Variants in RALA observed in about 807,000 individuals in gnomAD.
RALA encodes the protein RAS like proto-oncogene A.
In RALA, 5 loss-of-function variants were observed where a neutral mutation model predicts 24.0. The ratio of observed to expected loss-of-function variants is 0.21; its 90% CI spans 0.11 to 0.44. The LOEUF is 0.44. Among genes scored for constraint, RALA ranks in the 20% least tolerant of loss-of-function variants. The probability of loss-of-function intolerance (pLI) is 0.99; values close to 1 mark genes in which losing one functional copy is unlikely to be tolerated. For synonymous variants in RALA, 77 were observed against 83.8 expected, an observed-to-expected ratio of 0.92 and a Z score of 0.44; for missense variants, 95 against 241.2, an observed-to-expected ratio of 0.39 and a Z score of 4.01.
At chr7:39,643,438 C>T (rs759899093) in intron 1 of RALA, among the ~76,000 whole-genome samples, 4 of 152,148 alleles carry the variant, frequency 2.6e-5, no homozygotes, top group African/African-American at 7.2e-5. Flanking sequence ...GGCAGAAAAA[C>T]GGCCAGGCGC....
At chr7:39,695,150 A>G (rs1252864528) in intron 3 of RALA, among the ~76,000 whole-genome samples, 2 of 151,566 alleles carry the variant, frequency 1.3e-5, no homozygotes, top group Admixed American at 6.6e-5. Flanking sequence ...ATTTTCTCTT[A>G]TTCTAAAATA....
At chr7:39,667,639 A>G (rs1381838122) in intron 1 of RALA, among the ~76,000 whole-genome samples, 1 of 152,230 alleles carries the variant, frequency 6.6e-6, no homozygotes. Flanking sequence ...TAATTAAAGG[A>G]ATATAAGTGA....
At chr7:39,667,526 G>A (rs1017759287) in intron 1 of RALA, among the ~76,000 whole-genome samples, 6 of 152,252 alleles carry the variant, frequency 3.9e-5, no homozygotes, top group African/African-American at 1.4e-4. Context: ...TCCCGTGAGG[G>A]AGGCCTGTAG....
At chr7:39,656,504 C>T (rs1228969045) in intron 1 of RALA, among the ~76,000 whole-genome samples, 1 of 152,168 alleles carries the variant, frequency 6.6e-6, no homozygotes, top group African/African-American at 2.4e-5. Context: ...AATTTATGAG[C>T]TGCAGCCAAT....
chr7:39,664,303 T>C lies in RALA; in HGVS notation c.-37-22328T>C, dbSNP rs531233511. ...ACACCAGCTGCCAGTCTTTAGGTTG[T>C]TGTACAACAAGAAGGCATGGACAAC... On this transcript the variant is annotated intron_variant, in intron 1 of 4. Coordinates refer to ENST00000005257, the MANE Select transcript of RALA (RefSeq NM_005402.4). Among the ~76,000 whole-genome samples the C allele has an allele frequency of 3.3e-5, 5 of 152,328 alleles. No individual in the cohort carries two copies. The South Asian group carries it at 8.3e-4, about 25-fold the overall frequency.
intron 1 of RALA, among the ~76,000 whole-genome samples, chr7:39,633,505 C>T (rs774812907): frequency 4.6e-5 from 7 of 152,118 alleles, no homozygotes; most frequent in South Asian, 2.1e-4. Flanking sequence ...CTCACTGTCA[C>T]GAGAACAGCA....
At position 39,675,805 on chromosome 7, in the gene RALA, G is replaced by A. The variant is rs1174835251; in HGVS notation, c.-37-10826G>A. ...TGGTCATGTATATTCTACCTCTTCT[G>A]AAATTGTTCATTTTATATTACCTGT... On this transcript the variant is annotated intron_variant, in intron 1 of 4. Coordinates refer to ENST00000005257, the MANE Select transcript of RALA (RefSeq NM_005402.4). Among the ~76,000 whole-genome samples the A allele has an allele frequency of 4.7e-5, 7 of 150,214 alleles. No homozygotes were observed. In the East Asian group the frequency reaches 1.4e-3, roughly 29 times the overall value.
At position 39,706,287 on chromosome 7, in the gene RALA, A is replaced by G. The variant is rs1793119207; in HGVS notation, c.*42A>G. 2 of 1,556,604 alleles carry G rather than the reference A, an allele frequency of 1.3e-6. No homozygotes were observed. The highest frequency in any genetic ancestry group is 4.6e-5 in the East Asian group (2 of 43,710). ...TTTCTTATCTTGACCATACTAATAAATATAATTTATAAGCATTGCCATTGA... is the reference window on the plus strand; with the variant it reads ...TTTCTTATCTTGACCATACTAATAAGTATAATTTATAAGCATTGCCATTGA... On this transcript the variant is annotated 3_prime_UTR_variant, in exon 5 of 5. Coordinates refer to ENST00000005257, the MANE Select transcript of RALA (RefSeq NM_005402.4).
At chr7:39,697,124 C>A (rs533297641) in intron 4 of RALA, among the ~76,000 whole-genome samples, 2 of 152,020 alleles carry the variant, frequency 1.3e-5, no homozygotes, top group Non-Finnish European at 2.9e-5. Context: ...TGACTTTTTT[C>A]CCCCCTTATC....
At chr7:39,644,306 G>C (rs1188512646) in intron 1 of RALA, among the ~76,000 whole-genome samples, 8 of 151,856 alleles carry the variant, frequency 5.3e-5, no homozygotes, top group Non-Finnish European at 1.2e-4. Context: ...CATACAGTTA[G>C]AATGTATCAT....
At chr7:39,633,418 TGA>T (rs909942625) in intron 1 of RALA, among the ~76,000 whole-genome samples, 28 of 152,164 alleles carry the variant, frequency 1.8e-4, no homozygotes, top group Admixed American at 8.5e-4. Context: ...TGAGAATTCA[TGA>T]GAGTGAGCAG....
In RALA at chr7:39,658,048, C is replaced by T. The variant is rs78619553; in HGVS notation, c.-37-28583C>T. ...TATTAATAGCACATGCATTCTAGTC[C>T]GTATTCTTGATGTTAAGACATGTTG... On this transcript the variant is annotated intron_variant, in intron 1 of 4. Transcript: ENST00000005257. Among the ~76,000 whole-genome samples, 588 of 152,242 alleles carry T rather than the reference C, an allele frequency of 3.9e-3. 6 individuals carry two copies. The highest frequency in any genetic ancestry group is 0.014 in the African/African-American group (570 of 41,540).
At chr7:39,665,856 T>A (rs942262577) in intron 1 of RALA, among the ~76,000 whole-genome samples, 3 of 152,120 alleles carry the variant, frequency 2.0e-5, no homozygotes, top group Non-Finnish European at 4.4e-5. Context: ...GAATTTTTTT[T>A]TTTTAATCCT....
chr7:39,645,780 G>A (rs573778869), intron 1 of RALA, among the ~76,000 whole-genome samples: 31 of 152,226 alleles, frequency 2.0e-4, no homozygotes, highest in Non-Finnish European at 3.5e-4. Context: ...ATTTGATAAC[G>A]GAGATGCATC....
intron 1 of RALA, among the ~76,000 whole-genome samples, chr7:39,675,026 A>G (rs1792455231): frequency 6.6e-6 from 1 of 151,894 alleles, no homozygotes; most frequent in African/African-American, 2.4e-5. Context: ...GGGTTTCACC[A>G]TTTTGGCCAG....
intron 1 of RALA, among the ~76,000 whole-genome samples, chr7:39,632,846 A>G (rs1279793954): frequency 1.3e-5 from 2 of 152,154 alleles, no homozygotes; most frequent in Admixed American, 1.3e-4. Flanking sequence ...TTAACAAAAG[A>G]TACTTAAGGA....
chr7:39,629,237 C>T lies in RALA; in HGVS notation c.-38+5412C>T, dbSNP rs535073700. ...AGTAGAGTGCTTATTTCCTCACAGC[C>T]TCACCAGCAGTGTTTTGTCAGCTTT... On this transcript the variant is annotated intron_variant, in intron 1 of 4. Coordinates refer to ENST00000005257, the MANE Select transcript of RALA (RefSeq NM_005402.4). Among the ~76,000 whole-genome samples, 471 of 152,296 alleles carry T rather than the reference C, an allele frequency of 3.1e-3. 1 individual carries two copies. The highest frequency in any genetic ancestry group is 3.9e-3 in the Non-Finnish European group (267 of 68,028).
At chr7:39,663,229 T>C (rs1792224985) in intron 1 of RALA, among the ~76,000 whole-genome samples, 1 of 152,164 alleles carries the variant, frequency 6.6e-6, no homozygotes, top group South Asian at 2.1e-4. Context: ...TCAAGAGAAA[T>C]GTAAACCAAT....
At chr7:39,680,360 G>T (rs1329840146) in intron 1 of RALA, among the ~76,000 whole-genome samples, 1 of 149,858 alleles carries the variant, frequency 6.7e-6, no homozygotes, top group African/African-American at 2.5e-5. Flanking sequence ...TGGGCAACAA[G>T]AGTGAGACTC....
Sources: gnomAD v4.1 joint callset for allele counts (sites outside exome capture counted in the v4.1 genomes callset) on GRCh38, gnomAD v4.1.1 for gene constraint, MANE v1.5 for transcripts, NCBI Gene and HGNC (gene_info 2026-07-23, HGNC 2026-07-21) for gene names.